Variants in CTNND2 observed in about 807,000 individuals in gnomAD.
CTNND2 encodes the protein catenin delta 2.
A neutral mutation model predicts 144.4 loss-of-function variants in CTNND2; 22 were observed. The ratio of observed to expected loss-of-function variants is 0.15; its 90% CI spans 0.11 to 0.22. The LOEUF (loss-of-function observed/expected upper bound fraction) is 0.22. Ranked by LOEUF, CTNND2 falls within the 10% of genes least tolerant of loss-of-function variation. The pLI is 1.00. For missense variants in CTNND2, 1,353 were observed against 1,618.8 expected (o/e 0.84, Z 2.82); for synonymous variants, 751 against 695.6 (o/e 1.08, Z -1.25).
At chr5:11,628,020 T>C (rs539632364) in intron 2 of CTNND2, among the ~76,000 whole-genome samples, 2 of 152,152 alleles carry the variant, frequency 1.3e-5, no homozygotes, top group Non-Finnish European at 2.9e-5. Context: ...CATCTCTTGC[T>C]GTGCGGCCAG....
intron 1 of CTNND2, among the ~76,000 whole-genome samples, chr5:11,885,968 T>C (rs571984044): frequency 3.4e-4 from 51 of 152,144 alleles, no homozygotes; most frequent in African/African-American, 1.1e-3. Flanking sequence ...TTAAAATTTA[T>C]TGAAACAAAT....
chr5:11,497,261 T>C (rs1387763276), intron 3 of CTNND2, among the ~76,000 whole-genome samples: 1 of 151,810 alleles, frequency 6.6e-6, no homozygotes, highest in Non-Finnish European at 1.5e-5. Context: ...GTATTTCCAA[T>C]ATCAATGGAA....
At chr5:11,537,472 A>G (rs935416183) in intron 3 of CTNND2, among the ~76,000 whole-genome samples, 1 of 152,186 alleles carries the variant, frequency 6.6e-6, no homozygotes, top group Non-Finnish European at 1.5e-5. Context: ...ATTTATATAC[A>G]TCGTTCAACT....
At chr5:11,083,941 A>T in intron 15 of CTNND2, 1 of 1,148,960 alleles carries the variant, frequency 8.7e-7, no homozygotes, top group Non-Finnish European at 1.1e-6. Flanking sequence ...TGCCTGCCAC[A>T]TCCTCAGCCC....
chr5:11,556,945 G>C (rs1467501120), intron 3 of CTNND2, among the ~76,000 whole-genome samples: 1 of 152,062 alleles, frequency 6.6e-6, no homozygotes, highest in Admixed American at 6.6e-5. Flanking sequence ...TTATTCTATA[G>C]TAAACCATCA....
intron 17 of CTNND2, among the ~76,000 whole-genome samples, 194 bp downstream of exon 17, chr5:11,022,574 TG>T (rs964723709): frequency 6.6e-6 from 1 of 152,122 alleles, no homozygotes; most frequent in Non-Finnish European, 1.5e-5. Context: ...AGCACATGGG[TG>T]TGCTGGATCG....
At chr5:11,482,981 T>C (rs1258261121) in intron 3 of CTNND2, among the ~76,000 whole-genome samples, 3 of 151,960 alleles carry the variant, frequency 2.0e-5, no homozygotes, top group Non-Finnish European at 4.4e-5. Context: ...ACTGGGCTTT[T>C]CTCTGAGATT....
At chr5:11,217,433 T>C (rs61750746) in intron 10 of CTNND2, among the ~76,000 whole-genome samples, 41 of 152,294 alleles carry the variant, frequency 2.7e-4, no homozygotes, top group African/African-American at 9.1e-4. Context: ...CCTGTTAATA[T>C]TTATCACTGG....
chr5:11,363,639 T>A (rs1756676268), intron 8 of CTNND2, among the ~76,000 whole-genome samples: 1 of 152,226 alleles, frequency 6.6e-6, no homozygotes, highest in African/African-American at 2.4e-5. Context: ...TTTCTCCCTA[T>A]GATTCAGTGA....
At chr5:11,627,930 G>A (rs930752787) in intron 2 of CTNND2, among the ~76,000 whole-genome samples, 1 of 151,444 alleles carries the variant, frequency 6.6e-6, no homozygotes, top group Non-Finnish European at 1.5e-5. Flanking sequence ...TCACAATAGG[G>A]TTCACGTTCT....
intron 3 of CTNND2, among the ~76,000 whole-genome samples, chr5:11,545,608 A>G (rs865820524): frequency 7.0e-6 from 1 of 141,864 alleles, no homozygotes; most frequent in African/African-American, 2.6e-5. Context: ...GGATACAGTG[A>G]GCCGAGATCA....
At chr5:11,816,451 G>A (rs1430914871) in intron 1 of CTNND2, among the ~76,000 whole-genome samples, 1 of 151,342 alleles carries the variant, frequency 6.6e-6, no homozygotes, top group Non-Finnish European at 1.5e-5. Flanking sequence ...CATGCATCAG[G>A]GTCTACGCAG....
chr5:11,579,179 C>T (rs1029700043), intron 2 of CTNND2, among the ~76,000 whole-genome samples: 5 of 147,132 alleles, frequency 3.4e-5, no homozygotes, highest in Admixed American at 6.8e-5. Flanking sequence ...TTTTAAAATT[C>T]CTCTGCTGGG....
In CTNND2 at chr5:11,903,649, G is replaced by C. The variant is rs1582096990; in HGVS notation, c.37+168C>G. ...TCCAGGCACAGCGGCTTCCGAGGGG[G>C]ACCTGGCGCGATCGCGGTCCTCCCC... On this transcript the variant is annotated intron_variant, in intron 1 of 21. Transcript: ENST00000304623. The surrounding 1 kb of genome is among the most constrained non-coding windows in gnomAD (Gnocchi z 5.4). Among the ~76,000 whole-genome samples, 1 of 152,108 alleles carries C rather than the reference G, an allele frequency of 6.6e-6. No homozygotes were observed. The highest frequency in any genetic ancestry group is 2.1e-4 in the South Asian group (1 of 4,826).
At chr5:11,386,723 A>C (rs1027078601) in intron 6 of CTNND2, among the ~76,000 whole-genome samples, 2 of 152,220 alleles carry the variant, frequency 1.3e-5, no homozygotes, top group Admixed American at 1.3e-4. Context: ...AGTAAAATGT[A>C]AGCTCCATGA....
At chr5:11,290,608 T>A (rs1160208668) in intron 9 of CTNND2, among the ~76,000 whole-genome samples, 1 of 152,190 alleles carries the variant, frequency 6.6e-6, no homozygotes, top group Non-Finnish European at 1.5e-5. Flanking sequence ...AACTATAATT[T>A]ACCTTCAGAG....
At chr5:11,126,654 T>G (rs1386980889) in intron 12 of CTNND2, among the ~76,000 whole-genome samples, 2 of 152,214 alleles carry the variant, frequency 1.3e-5, no homozygotes, top group East Asian at 3.8e-4. Flanking sequence ...AGTATGTAAC[T>G]AGCAGTGTGA....
intron 3 of CTNND2, among the ~76,000 whole-genome samples, chr5:11,495,881 G>A (rs1473098822): frequency 6.6e-6 from 1 of 152,094 alleles, no homozygotes. Context: ...ACTCCCCCCA[G>A]TGACTTCTTC....
chr5:11,673,610 G>C (rs2126607039), intron 2 of CTNND2, among the ~76,000 whole-genome samples: 1 of 152,094 alleles, frequency 6.6e-6, no homozygotes. Flanking sequence ...CTGAAGGCTG[G>C]GTTTTATTGT....
Sources: allele counts gnomAD v4.1 joint callset (sites outside exome capture counted in the v4.1 genomes callset), GRCh38; gene constraint gnomAD v4.1.1; non-coding constraint Gnocchi (gnomAD v3.1); transcripts MANE v1.5; gene names NCBI Gene and HGNC (gene_info 2026-07-23, HGNC 2026-07-21).